LDHC: variants seen among roughly 807,000 people sequenced by gnomAD.
The protein encoded by LDHC is lactate dehydrogenase C.
In LDHC, 20 loss-of-function variants were observed where a neutral mutation model predicts 30.2. That is an observed-to-expected ratio of 0.66 (90% confidence interval 0.47 to 0.96). LDHC has a LOEUF of 0.96. Ranked by LOEUF, LDHC falls within the 40% of genes least tolerant of loss-of-function variation. The pLI, the probability that LDHC is intolerant of heterozygous loss-of-function variation, is 0.00. For synonymous variants in LDHC, 139 were observed against 132.7 expected (o/e 1.05, Z -0.32); for missense variants, 362 against 394.9 (o/e 0.92, Z 0.71).
intron 7 of LDHC, among the ~76,000 whole-genome samples, chr11:18,447,291 AC>A (rs1848571163): frequency 6.6e-6 from 1 of 151,648 alleles, no homozygotes; most frequent in Non-Finnish European, 1.5e-5. Context: ...CCACCACCAC[AC>A]CCGGCTAATT....
At chr11:18,438,447 A>T in intron 5 of LDHC, 81 bp from the exon 6 acceptor site, 1 of 855,830 alleles carries the variant, frequency 1.2e-6, no homozygotes, top group Non-Finnish European at 2.0e-6. Context: ...GTGGCAACTT[A>T]ACTTAAAAAA....
At chr11:18,419,337 A>G (rs900810900) in intron 3 of LDHC, among the ~76,000 whole-genome samples, 1 of 152,224 alleles carries the variant, frequency 6.6e-6, no homozygotes, top group African/African-American at 2.4e-5. Context: ...TGCCAGAACT[A>G]TACCGTTAAT....
In LDHC at chr11:18,451,499, G is replaced by A. The variant is rs547450888; in HGVS notation, c.*372G>A. The A allele has an allele frequency of 2.3e-4, 36 of 154,110 alleles. No homozygotes were observed. Among genetic ancestry groups the A allele is most frequent in the Non-Finnish European group, 4.2e-4 (29 of 69,506 alleles). 9.5% of individuals were successfully genotyped at this position (154,110 alleles called of 1,614,324 possible). A position where few individuals can be genotyped will look rare whatever the true frequency, so the allele number is the denominator to read the frequency against. ...ACAATTTTATCTTGTACTTTCATCC[G>A]TTAGAGTACCAGCATATTCACTTCA... is the stretch of plus-strand genomic sequence containing the variant. On this transcript the variant is annotated 3_prime_UTR_variant, in exon 8 of 8. Transcript: ENST00000541669.
intron 3 of LDHC, among the ~76,000 whole-genome samples, chr11:18,419,918 C>T (rs1867087471): frequency 6.6e-6 from 1 of 152,016 alleles, no homozygotes; most frequent in Non-Finnish European, 1.5e-5. Context: ...ATGGTGAAAA[C>T]CTGTCTCTAC....
At chr11:18,416,133 T>A (rs567160946) in intron 3 of LDHC, among the ~76,000 whole-genome samples, 17 of 152,374 alleles carry the variant, frequency 1.1e-4, no homozygotes, top group African/African-American at 4.1e-4. Flanking sequence ...AAGCTTTTGT[T>A]TTCTTTACAT....
At chr11:18,429,672 A>G in intron 3 of LDHC, 65 bp from the exon 4 acceptor site, 1 of 884,196 alleles carries the variant, frequency 1.1e-6, no homozygotes, top group Non-Finnish European at 1.8e-6. Context: ...ATAGAGTTTT[A>G]AGGAGTTAAG....
At chr11:18,440,227 T>C (rs1258447469) in intron 6 of LDHC, among the ~76,000 whole-genome samples, 1 of 150,428 alleles carries the variant, frequency 6.6e-6, no homozygotes, top group Non-Finnish European at 1.5e-5. Context: ...GGCAGGAGAA[T>C]CGCCTGAACC....
rs750252706 is a variant in LDHC at position 18,429,760 on chromosome 11, A to G, written c.268A>G (p.Arg90Gly). ...AGATTACAGTGTATCTGCAAACTCC[A>G]GAATAGTTATTGTCACAGCAGGTGC... ...GKDYSVSANS[R>G]IVIVTAGARQ... The change falls in exon 4 of 8, where the codon AGA becomes GGA. Residue 90 changes from arginine (R) to glycine (G), a missense_variant. By Grantham distance (125) the Arg-to-Gly change is moderately radical. Transcript: ENST00000541669. The G allele has an allele frequency of 1.2e-6, 2 of 1,609,668 alleles. No individual in the cohort carries two copies. Among genetic ancestry groups the G allele is most frequent in the East Asian group, 2.2e-5 (1 of 44,812 alleles).
chr11:18,439,768 A>G (rs183538975), intron 6 of LDHC, among the ~76,000 whole-genome samples: 2 of 129,858 alleles, frequency 1.5e-5, no homozygotes, highest in Admixed American at 1.8e-4. Context: ...TGAGGTCAGG[A>G]GTTCGAGACC....
At chr11:18,448,664 C>T (rs926603534) in intron 7 of LDHC, among the ~76,000 whole-genome samples, 3 of 152,036 alleles carry the variant, frequency 2.0e-5, no homozygotes, top group Non-Finnish European at 4.4e-5. Context: ...TCTTTCTTTC[C>T]CACTTACTTC....
intron 6 of LDHC, among the ~76,000 whole-genome samples, chr11:18,442,710 TG>T (rs1470833847): frequency 6.9e-6 from 1 of 145,840 alleles, no homozygotes; most frequent in African/African-American, 2.5e-5. Context: ...TTGCCCAGGC[TG>T]GAGTGCAGTG....
In LDHC at chr11:18,452,009, C is replaced by T. The variant is rs73440636; in HGVS notation, c.*882C>T. 0.18 allele frequency: 27,811 copies of T among 152,024 alleles called. 3,265 individuals carry two copies. The highest frequency in any genetic ancestry group is 0.33 in the African/African-American group (13,738 of 41,428). The allele number at this position is 152,024 out of a possible 1,614,324, so 9.4% of individuals were successfully genotyped here. A position where few individuals can be genotyped will look rare whatever the true frequency, so the allele number is the denominator to read the frequency against. On this transcript the variant is annotated 3_prime_UTR_variant, in exon 8 of 8. Coordinates refer to ENST00000541669, the MANE Select transcript of LDHC (RefSeq NM_017448.5). The stretch of plus-strand genomic sequence containing the variant: ...GATGTAACTTTACGATGTAAAAAAT[C>T]TAAATAAGATTGTATTCAACTCTGC...
At chr11:18,418,261 T>C (rs1202036998) in intron 3 of LDHC, among the ~76,000 whole-genome samples, 3 of 148,422 alleles carry the variant, frequency 2.0e-5, no homozygotes, top group Non-Finnish European at 4.4e-5. Flanking sequence ...TGGGTACAAA[T>C]ATGACTAATT....
intron 6 of LDHC, among the ~76,000 whole-genome samples, chr11:18,442,489 A>G (rs78807277): frequency 5.3e-5 from 8 of 152,146 alleles, no homozygotes; most frequent in African/African-American, 1.9e-4. Context: ...TACATCTACA[A>G]CCACTAGACT....
intron 6 of LDHC, among the ~76,000 whole-genome samples, chr11:18,445,980 AAAT>A (rs1029073410): frequency 1.3e-5 from 2 of 152,126 alleles, no homozygotes; most frequent in Non-Finnish European, 2.9e-5. Flanking sequence ...CTGTCTCAAA[AAAT>A]AATAATAATA....
rs1848483407 is a variant in LDHC at position 18,442,497 on chromosome 11, A to T, written c.711-3713A>T. On this transcript the variant is annotated intron_variant, in intron 6 of 7. Coordinates refer to ENST00000541669, the MANE Select transcript of LDHC (RefSeq NM_017448.5). The stretch of plus-strand genomic sequence containing the variant: ...AAGTTAGTACATCTACAACCACTAG[A>T]CTCTATAAGACACAGTAGGTAAACA... Among the ~76,000 whole-genome samples the T allele has an allele frequency of 1.3e-5, 2 of 151,978 alleles. 1 individual carries two copies. The highest frequency in any genetic ancestry group is 4.8e-5 in the African/African-American group (2 of 41,370).
At chr11:18,436,503 T>TTTC (rs34960411) in intron 5 of LDHC, among the ~76,000 whole-genome samples, 1 of 141,136 alleles carries the variant, frequency 7.1e-6, no homozygotes. Flanking sequence ...TTTTTTTTTT[T>TTTC]GAGACAGAGT....
intron 2 of LDHC, among the ~76,000 whole-genome samples, chr11:18,414,534 T>C (rs561625749): frequency 1.3e-5 from 2 of 152,200 alleles, no homozygotes; most frequent in African/African-American, 4.8e-5. Flanking sequence ...AGGTTAAATA[T>C]AATAAAATCC....
chr11:18,423,915 T>A (rs560962418), intron 3 of LDHC, among the ~76,000 whole-genome samples: 9 of 152,146 alleles, frequency 5.9e-5, no homozygotes, highest in African/African-American at 2.2e-4. Context: ...GACACTCAAG[T>A]GGCTTATAAA....
Sources: allele counts gnomAD v4.1 joint callset (sites outside exome capture counted in the v4.1 genomes callset), GRCh38; gene constraint gnomAD v4.1.1; transcripts MANE v1.5; gene names NCBI Gene and HGNC (gene_info 2026-07-23, HGNC 2026-07-21).